The following LSR variants were observed in gnomAD, a reference collection of about 807,000 sequenced individuals.
LSR encodes the protein lipolysis stimulated lipoprotein receptor.
Under a neutral mutation model 61.8 loss-of-function variants are expected in LSR, and 44 were observed. The observed-to-expected ratio is 0.71, with a 90% confidence interval of 0.56 to 0.91. The LOEUF (loss-of-function observed/expected upper bound fraction) is 0.91. LSR is among the 40% of genes least tolerant of loss of function. The pLI is 0.00. For synonymous variants in LSR, 397 were observed against 350.6 expected (o/e 1.13, Z -1.48); for missense variants, 911 against 830.5 (o/e 1.10, Z -1.19).
rs1488774967 is a variant in LSR at position 35,267,605 on chromosome 19, G to C, written c.1641G>C (p.Val547=). The C allele has an allele frequency of 1.2e-6, 2 of 1,612,334 alleles. No homozygotes were observed. The highest frequency in any genetic ancestry group is 2.2e-5 in the South Asian group (2 of 91,030). Residue 547 remains valine (V), a synonymous_variant, in exon 9 of 10, where the codon GTG becomes GTC. Coordinates refer to ENST00000605618, the MANE Select transcript of LSR (RefSeq NM_205834.4). ...ATGGGCGGCTACTGGAGGAGGCTGT[G>C]AGGAAGAAGGGGTCGGAGGAGAGGA... ...PYDGRLLEEA[V]RKKGSEERRR...
intron 8 of LSR, 48 bp from the exon 9 acceptor site, chr19:35,267,061 T>C: frequency 6.5e-7 from 1 of 1,536,264 alleles, no homozygotes; most frequent in Non-Finnish European, 8.7e-7. Context: ...GTGCAAACCC[T>C]GGACCCCGGG....
In LSR at chr19:35,249,054, G is replaced by A. The variant is rs368911324; in HGVS notation, c.32G>A (p.Gly11Glu). 51 of 1,582,216 alleles carry A rather than the reference G, an allele frequency of 3.2e-5. 1 individual carries two copies. In the African/African-American group the frequency reaches 3.6e-4, roughly 11 times the overall value. Reference protein sequence around the residue: MALLAGGLSRGLGSHPAAAGR... With the variant: MALLAGGLSRELGSHPAAAGR... The stretch of plus-strand genomic sequence containing the variant: ...CTGTTGGCCGGCGGGCTCTCCAGAG[G>A]GCTGGGCTCCCACCCGGCCGCCGCA... The change falls in exon 1 of 10, where the codon GGG becomes GAG. Residue 11 changes from glycine to glutamate, a missense_variant. Gly to Glu is a moderately conservative substitution (Grantham distance 98). Transcript: ENST00000605618.
At chr19:35,262,404 C>T (rs2065941859) in intron 4 of LSR, 142 bp from the exon 5 acceptor site, 8 of 947,508 alleles carry the variant, frequency 8.4e-6, no homozygotes, top group Admixed American at 2.1e-5. Context: ...CACAAAAAAT[C>T]CAGCCAGGGC....
rs2065946865 is a variant in LSR at position 35,262,706 on chromosome 19, T to C, written c.778+14T>C. 3 of 1,611,416 alleles carry C rather than the reference T, an allele frequency of 1.9e-6. No individual in the cohort carries two copies. The highest frequency in any genetic ancestry group is 1.7e-5 in the Admixed American group (1 of 59,988). ...GCCCCGAGGCCCGTAAGTGTCCCGC[T>C]CATGGCCACCCTGGTTTGGGCAACA... On this transcript the variant is annotated intron_variant, in intron 5 of 9. Coordinates refer to ENST00000605618, the MANE Select transcript of LSR (RefSeq NM_205834.4).
At chr19:35,251,819 C>G (rs79224773) in intron 2 of LSR, 1 of 150,166 alleles carries the variant, frequency 6.7e-6, no homozygotes, top group Non-Finnish European at 1.5e-5. Context: ...GGGTTTGAAC[C>G]CAGGCAGCCC....
chr19:35,264,759 G>C lies in LSR; in HGVS notation c.779-1600G>C, dbSNP rs528504931. The C allele has an allele frequency of 2.0e-5, 3 of 152,306 alleles. No individual in the cohort carries two copies. The South Asian group carries it at 6.2e-4, about 32-fold the overall frequency. 9.4% of individuals were successfully genotyped at this position (152,306 alleles called of 1,614,324 possible). A position where few individuals can be genotyped will look rare whatever the true frequency, so the allele number is the denominator to read the frequency against. On this transcript the variant is annotated intron_variant, in intron 5 of 9. Coordinates refer to ENST00000605618, the MANE Select transcript of LSR (RefSeq NM_205834.4). The stretch of plus-strand genomic sequence containing the variant: ...TCAGTGTCATCCCCTATAAAATGGG[G>C]CTTATGGCAGAGCTCACCACACTGG...
intron 2 of LSR, 52 bp from the exon 3 acceptor site, chr19:35,258,893 G>A (rs1405942443): frequency 1.2e-6 from 2 of 1,611,046 alleles, no homozygotes; most frequent in East Asian, 2.2e-5. Flanking sequence ...CCCTCCAGGG[G>A]TTAGGTGCCC....
chr19:35,265,966 C>A (rs1342326876), intron 5 of LSR, among the ~76,000 whole-genome samples: 1 of 152,244 alleles, frequency 6.6e-6, no homozygotes, highest in Non-Finnish European at 1.5e-5. Flanking sequence ...GCCCTGTAAA[C>A]ACACAGACCA....
intron 5 of LSR, among the ~76,000 whole-genome samples, chr19:35,265,192 T>A (rs2065981157): frequency 6.6e-6 from 1 of 152,124 alleles, no homozygotes; most frequent in African/African-American, 2.4e-5. Context: ...GCTCAGTGAG[T>A]AAGTGTTAGG....
intron 2 of LSR, among the ~76,000 whole-genome samples, chr19:35,257,207 C>G (rs762289163): frequency 3.9e-5 from 6 of 152,172 alleles, no homozygotes; most frequent in Non-Finnish European, 5.9e-5. Context: ...GTGGCTGAGA[C>G]AGACAGGGCT....
intron 5 of LSR, among the ~76,000 whole-genome samples, chr19:35,265,144 A>G (rs924537472): frequency 6.6e-6 from 1 of 152,120 alleles, no homozygotes; most frequent in Non-Finnish European, 1.5e-5. Context: ...AGGCCATCCC[A>G]TCCCCTCCCT....
In LSR at chr19:35,250,642, G is replaced by T; in HGVS notation, c.437G>T (p.Arg146Met). 1.3e-6 allele frequency: 2 copies of T among 1,567,532 alleles called. No homozygotes were observed. The highest frequency in any genetic ancestry group is 1.7e-6 in the Non-Finnish European group (2 of 1,149,840). Residue 146 changes from arginine (R) to methionine (M), a missense_variant, in exon 2 of 10, where the codon AGG becomes ATG. Arg to Met is a moderately conservative substitution (Grantham distance 91). Transcript: ENST00000605618. Reference sequence around the variant, plus strand: ...CTGGGAGATTACTACCAGGGCCGGAGGATTACCATCACCGGAAGTATGTTG... The same window carrying T: ...CTGGGAGATTACTACCAGGGCCGGATGATTACCATCACCGGAAGTATGTTG... ...VTLGDYYQGR[R>M]ITITGNADLT...
intron 4 of LSR, 122 bp downstream of exon 4, chr19:35,262,103 C>A (rs1018152639): frequency 4.4e-6 from 4 of 919,078 alleles, no homozygotes; most frequent in African/African-American, 3.5e-5. Flanking sequence ...CCTCACTAAC[C>A]TGGCCTGACT....
intron 3 of LSR, among the ~76,000 whole-genome samples, chr19:35,260,291 CTTTTTTTTT>C (rs66534837): frequency 8.8e-6 from 1 of 114,004 alleles, no homozygotes; most frequent in African/African-American, 3.3e-5. Context: ...GGAGATTTTC[CTTTTTTTTT>C]TTTTTTTTTG....
intron 3 of LSR, among the ~76,000 whole-genome samples, chr19:35,260,217 G>A (rs2065909190): frequency 6.6e-6 from 1 of 151,354 alleles, no homozygotes; most frequent in Non-Finnish European, 1.5e-5. Context: ...GTCTCCAAGA[G>A]CTTTTGTTTG....
intron 2 of LSR, among the ~76,000 whole-genome samples, chr19:35,257,963 G>GTC (rs1267172208): frequency 1.3e-5 from 2 of 152,112 alleles, no homozygotes; most frequent in Non-Finnish European, 2.9e-5. Flanking sequence ...GGGAGGGTAA[G>GTC]TCTCTCTCTC....
intron 5 of LSR, among the ~76,000 whole-genome samples, chr19:35,265,598 G>A (rs1290061017): frequency 1.3e-5 from 2 of 152,170 alleles, no homozygotes; most frequent in Non-Finnish European, 2.9e-5. Context: ...GAAGCCACTT[G>A]CCTAGGGCCC....
intron 2 of LSR, among the ~76,000 whole-genome samples, chr19:35,257,745 G>C (rs1212533027): frequency 1.3e-5 from 2 of 152,314 alleles, no homozygotes; most frequent in East Asian, 3.9e-4. Context: ...TTGCCTGGTA[G>C]GTGCCCTGGT....
At chr19:35,262,429 T>G in intron 4 of LSR, 117 bp from the exon 5 acceptor site, 28 of 1,185,472 alleles carry the variant, frequency 2.4e-5, no homozygotes, top group South Asian at 4.1e-5. Flanking sequence ...GGTTCCTTGG[T>G]GAGCTTTGCA....
Sources: allele counts gnomAD v4.1 joint callset (sites outside exome capture counted in the v4.1 genomes callset), GRCh38; gene constraint gnomAD v4.1.1; transcripts MANE v1.5; gene names NCBI Gene and HGNC (gene_info 2026-07-23, HGNC 2026-07-21).